SLCO3A1: variants seen among roughly 807,000 people sequenced by gnomAD.
SLCO3A1 encodes the protein PGE1 transporter.
A neutral mutation model predicts 63.1 loss-of-function variants in SLCO3A1; 27 were observed. The ratio of observed to expected loss-of-function variants is 0.43; its 90% CI spans 0.32 to 0.59. The LOEUF (loss-of-function observed/expected upper bound fraction) is 0.59. Ranked by LOEUF, SLCO3A1 falls within the 20% of genes least tolerant of loss-of-function variation. SLCO3A1 has a pLI of 0.09. For missense variants in SLCO3A1, 773 were observed against 945.8 expected (o/e 0.82, Z 2.40); for synonymous variants, 473 against 409.9 (o/e 1.15, Z -1.86).
intron 2 of SLCO3A1, among the ~76,000 whole-genome samples, chr15:92,053,540 A>C (rs2046983611): frequency 6.6e-6 from 1 of 152,038 alleles, no homozygotes; most frequent in Admixed American, 6.6e-5. Flanking sequence ...CATTACATTG[A>C]GTCATCATGG....
chr15:91,991,774 A>G (rs1239842491), intron 2 of SLCO3A1, among the ~76,000 whole-genome samples: 1 of 152,240 alleles, frequency 6.6e-6, no homozygotes, highest in Non-Finnish European at 1.5e-5. Context: ...GCCGCATATG[A>G]CTAGTGGCTG....
intron 5 of SLCO3A1, 130 bp downstream of exon 5, chr15:92,120,759 C>G: frequency 1.4e-6 from 1 of 720,982 alleles, no homozygotes; most frequent in Non-Finnish European, 2.4e-6. Flanking sequence ...ATATATGTGG[C>G]CTCTGTGCAC....
intron 1 of SLCO3A1, among the ~76,000 whole-genome samples, chr15:91,873,749 A>G (rs1301620733): frequency 6.6e-6 from 1 of 152,160 alleles, no homozygotes. Context: ...TACTTCCTAC[A>G]TATCAGATTT....
intron 7 of SLCO3A1, among the ~76,000 whole-genome samples, chr15:92,129,221 G>A (rs189144651): frequency 2.6e-5 from 4 of 152,154 alleles, no homozygotes; most frequent in Admixed American, 6.5e-5. Flanking sequence ...TATGTCCTTC[G>A]TTTTCTTCAA....
At chr15:92,010,767 A>G (rs980496423) in intron 2 of SLCO3A1, among the ~76,000 whole-genome samples, 2 of 152,160 alleles carry the variant, frequency 1.3e-5, no homozygotes, top group African/African-American at 4.8e-5. Flanking sequence ...AAGCCCAGTA[A>G]TAAATGATGG....
intron 1 of SLCO3A1, among the ~76,000 whole-genome samples, chr15:91,909,839 A>C (rs1220955745): frequency 6.6e-6 from 1 of 152,174 alleles, no homozygotes; most frequent in South Asian, 2.1e-4. Flanking sequence ...CTGGATCTCT[A>C]AGGTGGCTCT....
In SLCO3A1 at chr15:91,860,495, T is replaced by C. The variant is rs540853596; in HGVS notation, c.180+6407T>C. Among the ~76,000 whole-genome samples, 1 of 152,328 alleles carries C rather than the reference T, an allele frequency of 6.6e-6. No individual in the cohort carries two copies. The highest frequency in any genetic ancestry group is 2.1e-4 in the South Asian group (1 of 4,828). On this transcript the variant is annotated intron_variant, in intron 1 of 9. Transcript: ENST00000318445. This position sits in a 1 kb window ranked among gnomAD's most constrained non-coding sequence, Gnocchi z 5.5. Reference sequence around the variant, plus strand: ...AACAGTAATGGTATAACCCTGCTCGTTGACATTAGCACCAACAAAAGTCCC... The same window carrying C: ...AACAGTAATGGTATAACCCTGCTCGCTGACATTAGCACCAACAAAAGTCCC...
intron 2 of SLCO3A1, among the ~76,000 whole-genome samples, chr15:92,018,767 G>A (rs2046470012): frequency 6.6e-6 from 1 of 152,140 alleles, no homozygotes; most frequent in South Asian, 2.1e-4. Context: ...GGGTTGGAGT[G>A]CAGGGATGTC....
intron 7 of SLCO3A1, among the ~76,000 whole-genome samples, chr15:92,129,982 A>G (rs1460684983): frequency 1.3e-5 from 2 of 152,216 alleles, no homozygotes; most frequent in African/African-American, 2.4e-5. Flanking sequence ...GAATGGTTCA[A>G]ATAAAAACAC....
chr15:92,163,208 T>A lies in SLCO3A1; in HGVS notation c.*73T>A. ...TTTTCTTAAAAAAAGAAAAAAAGGT[T>A]CCAAAAAAAACCAAAACTCAGTACA... On this transcript the variant is annotated 3_prime_UTR_variant, in exon 10 of 10. Transcript: ENST00000318445. 6.9e-7 allele frequency: 1 copy of A among 1,443,980 alleles called. No homozygotes were observed. The highest frequency in any genetic ancestry group is 1.4e-5 in the African/African-American group (1 of 69,420). 89.4% of individuals were successfully genotyped at this position (1,443,980 alleles called of 1,614,324 possible). A position where few individuals can be genotyped will look rare whatever the true frequency, so the allele number is the denominator to read the frequency against.
At chr15:91,984,514 G>A (rs751164587) in intron 2 of SLCO3A1, among the ~76,000 whole-genome samples, 13 of 152,132 alleles carry the variant, frequency 8.5e-5, no homozygotes, top group Non-Finnish European at 1.2e-4. Context: ...AAACCTCATC[G>A]GTAAAGGTTG....
intron 2 of SLCO3A1, among the ~76,000 whole-genome samples, chr15:91,938,467 A>T (rs992049809): frequency 2.1e-5 from 3 of 145,612 alleles, no homozygotes; most frequent in Non-Finnish European, 3.0e-5. Flanking sequence ...AATACTCTAA[A>T]CATTGGTTTT....
intron 2 of SLCO3A1, among the ~76,000 whole-genome samples, chr15:92,031,240 G>C (rs2046644835): frequency 6.6e-6 from 1 of 152,158 alleles, no homozygotes; most frequent in Non-Finnish European, 1.5e-5. Context: ...AGTTGAACAG[G>C]AGGAGTTTTT....
chr15:92,048,709 G>T (rs973062607), intron 2 of SLCO3A1, among the ~76,000 whole-genome samples: 1 of 152,158 alleles, frequency 6.6e-6, no homozygotes, highest in Non-Finnish European at 1.5e-5. Context: ...GACCAGCCTG[G>T]CCAACATGGT....
chr15:92,070,717 G>T (rs933273005), intron 2 of SLCO3A1, among the ~76,000 whole-genome samples: 1 of 151,880 alleles, frequency 6.6e-6, no homozygotes, highest in African/African-American at 2.4e-5. Flanking sequence ...TAAGGATGGA[G>T]GAGTGGGAGG....
intron 2 of SLCO3A1, among the ~76,000 whole-genome samples, chr15:91,960,877 T>C (rs1477156777): frequency 2.0e-5 from 3 of 152,232 alleles, no homozygotes; most frequent in African/African-American, 7.2e-5. Context: ...AGCATTTCCT[T>C]TGAGTGTCAT....
chr15:91,929,702 C>T (rs1318987318), intron 2 of SLCO3A1, among the ~76,000 whole-genome samples: 2 of 152,098 alleles, frequency 1.3e-5, no homozygotes, highest in Non-Finnish European at 2.9e-5. Context: ...TCCCATTCCA[C>T]CCCCTCTCCA....
At chr15:91,919,257 G>A (rs1401055813) in intron 2 of SLCO3A1, among the ~76,000 whole-genome samples, 1 of 152,174 alleles carries the variant, frequency 6.6e-6, no homozygotes, top group African/African-American at 2.4e-5. Context: ...TACTTGCTTT[G>A]GCCTCTTGTG....
At chr15:92,073,511 C>A (rs143518648) in intron 2 of SLCO3A1, among the ~76,000 whole-genome samples, 1 of 152,184 alleles carries the variant, frequency 6.6e-6, no homozygotes, top group Non-Finnish European at 1.5e-5. Context: ...ATTCTTCAAG[C>A]CTATTCAATT....
Sources: gnomAD v4.1 joint callset for allele counts (sites outside exome capture counted in the v4.1 genomes callset) on GRCh38, gnomAD v4.1.1 for gene constraint, Gnocchi (gnomAD v3.1) non-coding constraint, MANE v1.5 for transcripts, NCBI Gene and HGNC (gene_info 2026-07-23, HGNC 2026-07-21) for gene names.